The following SLC30A8 variants were observed in gnomAD, a reference collection of about 807,000 sequenced individuals.
SLC30A8 encodes proton-coupled zinc antiporter SLC30A8.
In SLC30A8, 27 loss-of-function variants were observed where a neutral mutation model predicts 36.9. The observed-to-expected ratio is 0.73, with a 90% CI of 0.54 to 1.01. The LOEUF is 1.01. Among genes scored for constraint, SLC30A8 ranks in the 50% least tolerant of loss-of-function variants. The pLI is 0.00. For missense variants in SLC30A8, 439 were observed against 452.0 expected, an observed-to-expected ratio of 0.97 and a Z score of 0.26; for synonymous variants, 164 against 172.4, an observed-to-expected ratio of 0.95 and a Z score of 0.38.
intron 6 of SLC30A8, among the ~76,000 whole-genome samples, chr8:117,168,374 A>G (rs1182616143): frequency 6.6e-6 from 1 of 152,118 alleles, no homozygotes; most frequent in Non-Finnish European, 1.5e-5. Context: ...TATCTTATTG[A>G]TTTCAAATGC....
chr8:117,058,602 G>C (rs906879257), intron 2 of SLC30A8, among the ~76,000 whole-genome samples: 1 of 152,144 alleles, frequency 6.6e-6, no homozygotes, highest in African/African-American at 2.4e-5. Context: ...CAAACATTCA[G>C]ACCATGATAA....
intron 1 of SLC30A8, among the ~76,000 whole-genome samples, chr8:116,983,706 A>G (rs939824443): frequency 1.3e-5 from 2 of 151,720 alleles, no homozygotes; most frequent in African/African-American, 4.8e-5. Flanking sequence ...TTTCCCCTCT[A>G]CTATTTTAAA....
chr8:117,009,486 T>A (rs1028254005), intron 1 of SLC30A8, among the ~76,000 whole-genome samples: 1 of 152,236 alleles, frequency 6.6e-6, no homozygotes, highest in Non-Finnish European at 1.5e-5. Flanking sequence ...CAATTCAGTT[T>A]AAGATGGGGC....
intron 2 of SLC30A8, among the ~76,000 whole-genome samples, chr8:117,062,854 G>T (rs966450699): frequency 6.6e-6 from 1 of 152,214 alleles, no homozygotes; most frequent in African/African-American, 2.4e-5. Flanking sequence ...TTTACCCATA[G>T]TTTTCGTCCA....
chr8:117,087,891 G>C (rs1295155921), intron 2 of SLC30A8, among the ~76,000 whole-genome samples: 1 of 152,030 alleles, frequency 6.6e-6, no homozygotes, highest in Non-Finnish European at 1.5e-5. Context: ...ACTTCTTCCT[G>C]TGTAGCTATC....
chr8:117,110,743 A>G (rs558514331), intron 2 of SLC30A8, among the ~76,000 whole-genome samples: 1 of 152,276 alleles, frequency 6.6e-6, no homozygotes, highest in East Asian at 1.9e-4. Context: ...TCATGTTCAT[A>G]TCTGTCATTT....
chr8:116,974,546 G>A (rs1814910480), intron 1 of SLC30A8, among the ~76,000 whole-genome samples: 1 of 152,184 alleles, frequency 6.6e-6, no homozygotes, highest in South Asian at 2.1e-4. Context: ...AACAGATGCT[G>A]GAGAGGATGT....
intron 2 of SLC30A8, among the ~76,000 whole-genome samples, chr8:117,150,985 T>A (rs898711175): frequency 6.6e-6 from 1 of 151,414 alleles, no homozygotes; most frequent in Admixed American, 6.6e-5. Context: ...AGCCATAGAA[T>A]CACATTCAAA....
At chr8:117,028,297 A>G (rs1001809619) in intron 1 of SLC30A8, among the ~76,000 whole-genome samples, 1 of 152,238 alleles carries the variant, frequency 6.6e-6, no homozygotes, top group South Asian at 2.1e-4. Context: ...AATGCAGCAT[A>G]AAAGCTCAGA....
chr8:117,153,763 C>T (rs67425784), intron 3 of SLC30A8, among the ~76,000 whole-genome samples: 26,146 of 146,434 alleles, frequency 0.18, 2,671 homozygotes, highest in East Asian at 0.29. Context: ...TGTATTCATT[C>T]TTTATTGCTC....
chr8:116,962,314 C>A (rs1386153114), intron 1 of SLC30A8, among the ~76,000 whole-genome samples: 1 of 151,988 alleles, frequency 6.6e-6, no homozygotes, highest in Non-Finnish European at 1.5e-5. Context: ...CACCAGTTTT[C>A]TGTGTAGGCC....
At chr8:117,017,863 C>T (rs1052598948) in intron 1 of SLC30A8, 3 of 152,172 alleles carry the variant, frequency 2.0e-5, no homozygotes, top group Non-Finnish European at 2.9e-5. Flanking sequence ...GTTATCTAGA[C>T]TCGTCCTGTC....
At chr8:117,051,291 G>C (rs1308003439) in intron 2 of SLC30A8, among the ~76,000 whole-genome samples, 1 of 152,294 alleles carries the variant, frequency 6.6e-6, no homozygotes, top group African/African-American at 2.4e-5. Context: ...ACAATGATGA[G>C]GAAGCTCTTA....
chr8:116,991,993 A>G (rs1195773840), intron 1 of SLC30A8, among the ~76,000 whole-genome samples: 1 of 152,166 alleles, frequency 6.6e-6, no homozygotes, highest in East Asian at 1.9e-4. Context: ...CAGTTGTGAA[A>G]TTAGCTTCAA....
At chr8:116,958,841 A>ATTT (rs758505118) in intron 1 of SLC30A8, among the ~76,000 whole-genome samples, 685 of 60,038 alleles carry the variant, frequency 0.011, 182 homozygotes, top group African/African-American at 0.04. Flanking sequence ...TGCTCTTTTC[A>ATTT]TTTTTTTTTT....
intron 4 of SLC30A8, among the ~76,000 whole-genome samples, chr8:117,158,479 A>C (rs1822615105): frequency 6.6e-6 from 1 of 152,220 alleles, no homozygotes; most frequent in Non-Finnish European, 1.5e-5. Flanking sequence ...TCCCTCAAAA[A>C]CAGCCTCTTT....
chr8:117,137,118 T>A (rs1821399835), intron 1 of SLC30A8, among the ~76,000 whole-genome samples: 1 of 151,916 alleles, frequency 6.6e-6, no homozygotes, highest in South Asian at 2.1e-4. Context: ...CCCTTCTCCG[T>A]CTACATCTCC....
At chr8:117,123,744 AAT>A (rs1284272025) in intron 2 of SLC30A8, among the ~76,000 whole-genome samples, 4 of 152,056 alleles carry the variant, frequency 2.6e-5, no homozygotes, top group Non-Finnish European at 5.9e-5. Context: ...TTTATAACAC[AAT>A]ATGTCATTCT....
intron 1 of SLC30A8, among the ~76,000 whole-genome samples, chr8:116,993,135 G>T (rs894607337): frequency 6.6e-6 from 1 of 151,384 alleles, no homozygotes; most frequent in African/African-American, 2.5e-5. Flanking sequence ...TAGTCACAGG[G>T]TGCAACTCTG....
Sources: gnomAD v4.1 joint callset for allele counts (sites outside exome capture counted in the v4.1 genomes callset) on GRCh38, gnomAD v4.1.1 for gene constraint, MANE v1.5 for transcripts, NCBI Gene and HGNC (gene_info 2026-07-23, HGNC 2026-07-21) for gene names.